Variants in SND1 observed in about 807,000 individuals in gnomAD.
The protein encoded by SND1 is staphylococcal nuclease domain-containing protein 1.
Under a neutral mutation model 121.7 loss-of-function variants are expected in SND1, and 38 were observed. The observed-to-expected ratio is 0.31, with a 90% CI of 0.24 to 0.41. The LOEUF (loss-of-function observed/expected upper bound fraction) is 0.41. SND1 is among the 10% of genes least tolerant of loss of function. The probability of loss-of-function intolerance (pLI) is 1.00; values close to 1 mark genes in which losing one functional copy is unlikely to be tolerated. For synonymous variants in SND1, 401 were observed against 447.4 expected (o/e 0.90, Z 1.31); for missense variants, 868 against 1,184.6 (o/e 0.73, Z 3.92).
intron 10 of SND1, among the ~76,000 whole-genome samples, chr7:127,793,998 A>C (rs950674086): frequency 1.3e-5 from 2 of 152,148 alleles, no homozygotes; most frequent in Non-Finnish European, 2.9e-5. Context: ...CTGCATCTAC[A>C]TGTCTGTGCT....
At chr7:127,667,472 T>C (rs1795438779) in intron 1 of SND1, among the ~76,000 whole-genome samples, 1 of 152,204 alleles carries the variant, frequency 6.6e-6, no homozygotes, top group South Asian at 2.1e-4. Flanking sequence ...ATGGCAGTGC[T>C]GTGAGGAGGA....
chr7:127,951,652 T>G (rs1563068409), intron 15 of SND1, among the ~76,000 whole-genome samples: 2 of 152,140 alleles, frequency 1.3e-5, no homozygotes, highest in East Asian at 3.8e-4. Context: ...AAGCTAATTT[T>G]GGGGGATAGA....
intron 14 of SND1, among the ~76,000 whole-genome samples, chr7:127,927,201 G>C (rs554116411): frequency 6.6e-6 from 1 of 152,294 alleles, no homozygotes; most frequent in South Asian, 2.1e-4. Context: ...CTGTGTGTGT[G>C]CCATTGTTAT....
At chr7:127,904,324 C>T (rs1400389161) in intron 13 of SND1, 1 of 155,018 alleles carries the variant, frequency 6.5e-6, no homozygotes, top group East Asian at 1.9e-4. Context: ...AACTTATTTC[C>T]ATTAGAATTG....
intron 1 of SND1, among the ~76,000 whole-genome samples, chr7:127,686,248 T>A (rs889060098): frequency 2.0e-5 from 3 of 152,186 alleles, no homozygotes; most frequent in Non-Finnish European, 4.4e-5. Context: ...ATGGAAAGTG[T>A]TGATGGAGAT....
At chr7:127,821,675 C>G (rs1798552103) in intron 11 of SND1, among the ~76,000 whole-genome samples, 1 of 150,938 alleles carries the variant, frequency 6.6e-6, no homozygotes, top group Non-Finnish European at 1.5e-5. Context: ...TGTAACATAA[C>G]TTGTTCTTTA....
intron 10 of SND1, among the ~76,000 whole-genome samples, chr7:127,751,226 G>T (rs1797087256): frequency 6.6e-6 from 1 of 152,106 alleles, no homozygotes. Context: ...AGCCTAGCTA[G>T]ACTGCAGGTT....
intron 16 of SND1, among the ~76,000 whole-genome samples, chr7:128,005,393 G>A (rs373202742): frequency 2.6e-5 from 4 of 152,182 alleles, no homozygotes; most frequent in Non-Finnish European, 5.9e-5. Flanking sequence ...GGCTTACACC[G>A]CCCAGACAGT....
intron 15 of SND1, among the ~76,000 whole-genome samples, chr7:127,956,066 TG>T (rs1801585797): frequency 6.6e-6 from 1 of 152,152 alleles, no homozygotes; most frequent in Admixed American, 6.5e-5. Flanking sequence ...CAGAACCTGG[TG>T]TAAGTAAGTA....
At chr7:128,073,504 G>T (rs1004217461) in intron 16 of SND1, among the ~76,000 whole-genome samples, 7 of 152,124 alleles carry the variant, frequency 4.6e-5, no homozygotes, top group Non-Finnish European at 1.0e-4. Context: ...TTCTGGGGAG[G>T]CATGTCACCC....
chr7:127,951,443 T>C (rs1210336313), intron 15 of SND1, among the ~76,000 whole-genome samples: 1 of 152,204 alleles, frequency 6.6e-6, no homozygotes, highest in Non-Finnish European at 1.5e-5. Context: ...CAGGGAGTTG[T>C]TGCTTGACAG....
At chr7:127,997,317 T>C (rs1802686229) in intron 16 of SND1, among the ~76,000 whole-genome samples, 1 of 152,218 alleles carries the variant, frequency 6.6e-6, no homozygotes, top group African/African-American at 2.4e-5. Flanking sequence ...GTTAAAGGAA[T>C]AGTAGAGGAC....
chr7:127,752,695 G>A (rs1009145946), intron 10 of SND1, among the ~76,000 whole-genome samples: 4 of 152,146 alleles, frequency 2.6e-5, no homozygotes, highest in Non-Finnish European at 5.9e-5. Flanking sequence ...GAAATTAAAC[G>A]TATACACTAA....
At chr7:127,774,176 G>T (rs1429260224) in intron 10 of SND1, among the ~76,000 whole-genome samples, 1 of 152,138 alleles carries the variant, frequency 6.6e-6, no homozygotes, top group African/African-American at 2.4e-5. Context: ...GTGTGTTATT[G>T]CCCCTGAAGA....
intron 16 of SND1, among the ~76,000 whole-genome samples, chr7:127,994,295 AC>A (rs970628931): frequency 2.0e-5 from 3 of 152,006 alleles, no homozygotes; most frequent in African/African-American, 7.3e-5. Flanking sequence ...CTGCCCTCTT[AC>A]GTTGCATTTC....
chr7:127,707,400 T>C (rs1354530886), intron 8 of SND1, among the ~76,000 whole-genome samples, 157 bp from the exon 9 acceptor site: 1 of 152,244 alleles, frequency 6.6e-6, no homozygotes, highest in East Asian at 1.9e-4. Flanking sequence ...TTGCATGTTT[T>C]CATTTACTCT....
At chr7:128,045,629 A>C (rs1030735348) in intron 16 of SND1, among the ~76,000 whole-genome samples, 2 of 152,246 alleles carry the variant, frequency 1.3e-5, no homozygotes, top group African/African-American at 4.8e-5. Flanking sequence ...GCACTAGAAC[A>C]TAGGAGCAGC....
chr7:128,035,125 G>A (rs1265563628), intron 16 of SND1, among the ~76,000 whole-genome samples: 1 of 152,236 alleles, frequency 6.6e-6, no homozygotes, highest in Non-Finnish European at 1.5e-5. Context: ...ATTATAGAAT[G>A]AGCCCTGTGC....
chr7:127,866,536 G>C (rs1333930138), intron 12 of SND1, among the ~76,000 whole-genome samples: 1 of 152,124 alleles, frequency 6.6e-6, no homozygotes, highest in Non-Finnish European at 1.5e-5. Flanking sequence ...AAAGAATTCT[G>C]TTATCAGTTC....
Sources: allele counts gnomAD v4.1 joint callset (sites outside exome capture counted in the v4.1 genomes callset), GRCh38; gene constraint gnomAD v4.1.1; transcripts MANE v1.5; gene names NCBI Gene and HGNC (gene_info 2026-07-23, HGNC 2026-07-21).